Variants in MASP1 observed in about 807,000 individuals in gnomAD.
MASP1 encodes MBL associated serine protease 1, also known as mannan-binding lectin serine protease 1.
MASP1 carries 59 observed loss-of-function variants against 77.1 expected under a neutral mutation model. That is an observed-to-expected ratio of 0.77 (90% CI 0.62 to 0.95). The LOEUF (loss-of-function observed/expected upper bound fraction) is 0.95. Among genes scored for constraint, MASP1 ranks in the 40% least tolerant of loss-of-function variants. MASP1 has a pLI of 0.00. For synonymous variants in MASP1, 362 were observed against 354.5 expected, an observed-to-expected ratio of 1.02 and a Z score of -0.24; for missense variants, 885 against 912.9, an observed-to-expected ratio of 0.97 and a Z score of 0.39.
intron 13 of MASP1, among the ~76,000 whole-genome samples, chr3:187,223,374 A>G (rs917624071): frequency 6.6e-6 from 1 of 152,230 alleles, no homozygotes; most frequent in African/African-American, 2.4e-5. Flanking sequence ...TACCTGCAGC[A>G]GAGCTAGGGG....
At chr3:187,277,656 G>A (rs191588727) in intron 2 of MASP1, among the ~76,000 whole-genome samples, 12 of 152,176 alleles carry the variant, frequency 7.9e-5, no homozygotes, top group African/African-American at 2.9e-4. Context: ...ATGACTTGGG[G>A]AGTTAGAAGA....
At chr3:187,282,241 G>A (rs3821808) in intron 2 of MASP1, among the ~76,000 whole-genome samples, 1 of 151,948 alleles carries the variant, frequency 6.6e-6, no homozygotes, top group African/African-American at 2.4e-5. Context: ...AGTGGCTCAC[G>A]TCTGTAACCC....
chr3:187,247,959 C>T (rs1158213200), intron 8 of MASP1, among the ~76,000 whole-genome samples: 7 of 152,150 alleles, frequency 4.6e-5, no homozygotes, highest in Admixed American at 3.9e-4. Flanking sequence ...TTTTAATCAG[C>T]GAATTTTAAG....
rs762951821 is a variant in MASP1, at chr3:187,235,572, G to C, written c.*112C>G. On this transcript the variant is annotated 3_prime_UTR_variant, in exon 11 of 11. Transcript: ENST00000296280. ...GGCTGTCTCGGTAGGAGAAGCCACC[G>C]CTAGGTCAGTGTGTTCCATTCCATA... The C allele has an allele frequency of 6.4e-7, 1 of 1,570,074 alleles. No homozygotes were observed. The highest frequency in any genetic ancestry group is 8.6e-7 in the Non-Finnish European group (1 of 1,166,718).
At chr3:187,253,670 G>A (rs755980205) in intron 5 of MASP1, among the ~76,000 whole-genome samples, 2 of 152,338 alleles carry the variant, frequency 1.3e-5, no homozygotes, top group South Asian at 4.1e-4. Context: ...ACAAAAGGAT[G>A]AGTTCATGTC....
intron 8 of MASP1, among the ~76,000 whole-genome samples, chr3:187,245,799 C>T (rs1358724189): frequency 6.6e-6 from 1 of 152,224 alleles, no homozygotes; most frequent in Non-Finnish European, 1.5e-5. Flanking sequence ...TCTCTTTCCC[C>T]TTGCCTTGGA....
chr3:187,291,597 G>C (rs768305351), intron 1 of MASP1, 31 bp downstream of exon 1: 5 of 1,614,132 alleles, frequency 3.1e-6, no homozygotes, highest in Non-Finnish European at 4.2e-6. Context: ...CCCCAAAAGG[G>C]AACCGTGCCC....
exon 16 of MASP1, chr3:187,219,835 C>T (rs768998831): frequency 7.1e-6 from 4 of 566,810 alleles, no homozygotes; most frequent in Non-Finnish European, 1.3e-5. Context: ...CTGCCCAGCA[C>T]TGCAAACTAG....
At chr3:187,262,742 G>A in intron 2 of MASP1, 22 bp from the exon 3 acceptor site, 1 of 1,610,998 alleles carries the variant, frequency 6.2e-7, no homozygotes, top group Non-Finnish European at 8.5e-7. Context: ...AAGAGAAAGG[G>A]AACAAGATGA....
exon 16 of MASP1, chr3:187,219,926 A>G: frequency 1.3e-6 from 1 of 788,380 alleles, no homozygotes; most frequent in Non-Finnish European, 2.1e-6. Context: ...AAGGGGGTGA[A>G]GATACCTGCT....
chr3:187,242,581 A>G (rs1036197006), intron 9 of MASP1: 3 of 152,440 alleles, frequency 2.0e-5, no homozygotes, highest in African/African-American at 7.2e-5. Flanking sequence ...CAGTGCTTGC[A>G]TGCCAGAGAG....
intron 10 of MASP1, among the ~76,000 whole-genome samples, chr3:187,238,167 C>G (rs1363582210): frequency 3.3e-5 from 5 of 152,210 alleles, no homozygotes. Flanking sequence ...GGTCCATGGT[C>G]ACAACAAAGC....
At position 187,288,408 on chromosome 3, in the gene MASP1, C is replaced by A. The variant is rs72549165; in HGVS notation, c.6-2352G>T. The stretch of plus-strand genomic sequence containing the variant: ...CAGCCCTGCTGAGGAGGGGAGGGCA[C>A]TGGCCCTGGGTCAAAAGAGCTAGAT... On this transcript the variant is annotated intron_variant, in intron 1 of 10. Coordinates refer to ENST00000296280, the MANE Select transcript of MASP1 (RefSeq NM_139125.4). 2.5e-3 allele frequency among the ~76,000 whole-genome samples: 376 copies of A among 152,322 alleles called. 1 individual carries two copies. The Middle Eastern group carries it at 0.034, about 14-fold the overall frequency.
At chr3:187,255,815 C>A (rs1715022033) in intron 5 of MASP1, among the ~76,000 whole-genome samples, 1 of 151,856 alleles carries the variant, frequency 6.6e-6, no homozygotes. Context: ...GTCTCATAAT[C>A]TATTATGTTC....
At position 187,243,496 on chromosome 3, in the gene MASP1, T is replaced by G. The variant is rs374775501; in HGVS notation, c.1216A>C (p.Asn406His). ...ATGGATGGCTTACCTGTGTTATTGT[T>G]GAGCATCTTGTAATAGGGCTCCTGA... is the stretch of plus-strand genomic sequence containing the variant. The part of the protein sequence containing the change: ...SCQEPYYKML[N>H]NNTGIYTCSA... The change falls in exon 9 of 11, where the codon AAC becomes CAC. Residue 406 changes from asparagine to histidine, a missense_variant. Coordinates refer to ENST00000296280, the MANE Select transcript of MASP1 (RefSeq NM_139125.4). 8.7e-5 allele frequency: 140 copies of G among 1,613,390 alleles called. No homozygotes were observed. The highest frequency in any genetic ancestry group is 5.4e-4 in the South Asian group (49 of 91,066).
chr3:187,260,023 G>A (rs1314632244), intron 4 of MASP1, among the ~76,000 whole-genome samples: 1 of 152,128 alleles, frequency 6.6e-6, no homozygotes, highest in Non-Finnish European at 1.5e-5. Flanking sequence ...GTGTTTGCCT[G>A]CACAGGTCTG....
chr3:187,220,168 C>T lies in MASP1; in HGVS notation c.2003G>A (p.Trp668Ter). 1 of 1,614,186 alleles carries T rather than the reference C, an allele frequency of 6.2e-7. No individual in the cohort carries two copies. Among genetic ancestry groups the T allele is most frequent in the Non-Finnish European group, 8.5e-7 (1 of 1,180,030 alleles). ...GTCCTTCTTCCCACAGTCATCACCC[C>T]AGGACACAGTGCCCACCAGGTACCA... The change falls in exon 16 of 16, where the codon TGG (tryptophan) becomes TAG (stop). Residue 668 changes from tryptophan (W) to a stop codon, truncating the protein, a stop_gained. Coordinates refer to the MASP1 transcript ENST00000337774. LOFTEE classifies it high-confidence loss of function.
intron 10 of MASP1, among the ~76,000 whole-genome samples, chr3:187,238,029 G>C (rs1713319442): frequency 6.6e-6 from 1 of 152,206 alleles, no homozygotes; most frequent in Non-Finnish European, 1.5e-5. Flanking sequence ...GCCTTTCAAA[G>C]TTGAGGGTCA....
chr3:187,271,893 C>A (rs753209366), intron 2 of MASP1, among the ~76,000 whole-genome samples: 2 of 152,214 alleles, frequency 1.3e-5, no homozygotes, highest in Non-Finnish European at 2.9e-5. Context: ...CACCTCCTCT[C>A]ATTTCTCTAG....
Sources: allele counts gnomAD v4.1 joint callset (sites outside exome capture counted in the v4.1 genomes callset), GRCh38; gene constraint gnomAD v4.1.1; transcripts MANE v1.5; gene names NCBI Gene and HGNC (gene_info 2026-07-23, HGNC 2026-07-21).